The following KCTD8 variants were observed in gnomAD, a reference collection of about 807,000 sequenced individuals.
KCTD8 encodes BTB/POZ domain-containing protein KCTD8.
KCTD8 carries 27 observed loss-of-function variants against 31.5 expected under a neutral mutation model. The observed-to-expected ratio is 0.86, with a 90% CI of 0.63 to 1.18. KCTD8 has a LOEUF of 1.18. Among genes scored for constraint, KCTD8 ranks in the 50% most tolerant of loss-of-function variants. The probability of loss-of-function intolerance (pLI) is 0.00; values close to 1 mark genes in which losing one functional copy is unlikely to be tolerated. For missense variants in KCTD8, 658 were observed against 647.7 expected, an observed-to-expected ratio of 1.02 and a Z score of -0.17; for synonymous variants, 290 against 280.0, an observed-to-expected ratio of 1.04 and a Z score of -0.36.
chr4:44,225,301 C>T (rs1714923890), intron 1 of KCTD8, among the ~76,000 whole-genome samples: 1 of 152,218 alleles, frequency 6.6e-6, no homozygotes, highest in Non-Finnish European at 1.5e-5. Context: ...TGCTTTGTTT[C>T]CACAGCTGAA....
chr4:44,255,090 A>G (rs13124374), intron 1 of KCTD8, among the ~76,000 whole-genome samples: 1 of 151,616 alleles, frequency 6.6e-6, no homozygotes, highest in South Asian at 2.1e-4. Context: ...TGCTATACTC[A>G]GTGTCCAGGA....
intron 1 of KCTD8, among the ~76,000 whole-genome samples, chr4:44,356,803 C>T (rs1719354722): frequency 6.6e-6 from 1 of 151,998 alleles, no homozygotes; most frequent in African/African-American, 2.4e-5. Context: ...AAGAACAGTC[C>T]ACTACAATTT....
At chr4:44,304,658 T>G (rs2109394742) in intron 1 of KCTD8, among the ~76,000 whole-genome samples, 1 of 152,248 alleles carries the variant, frequency 6.6e-6, no homozygotes, top group East Asian at 1.9e-4. Context: ...GTAATTAAAT[T>G]ATAGGATATA....
intron 1 of KCTD8, among the ~76,000 whole-genome samples, chr4:44,242,790 A>C (rs2109357792): frequency 6.6e-6 from 1 of 152,098 alleles, no homozygotes; most frequent in Middle Eastern, 3.4e-3. Flanking sequence ...AGTTCTCATA[A>C]GATCTGGGTC....
At chr4:44,322,252 C>T (rs896803969) in intron 1 of KCTD8, among the ~76,000 whole-genome samples, 1 of 152,006 alleles carries the variant, frequency 6.6e-6, no homozygotes, top group African/African-American at 2.4e-5. Context: ...CACATCCTTG[C>T]TAGCATTTAA....
intron 1 of KCTD8, among the ~76,000 whole-genome samples, chr4:44,433,085 GAACATTTCCACCTGA>G (rs1721542813): frequency 1.3e-5 from 2 of 151,558 alleles, no homozygotes; most frequent in Admixed American, 6.6e-5. Context: ...CTTGCATATG[GAACATTTCCACCTGA>G]AACTTACACA....
chr4:44,269,742 A>T (rs979743854), intron 1 of KCTD8, among the ~76,000 whole-genome samples: 1 of 152,170 alleles, frequency 6.6e-6, no homozygotes, highest in South Asian at 2.1e-4. Context: ...ATATGAACAG[A>T]CACTTCTCAA....
At chr4:44,398,004 G>A (rs961891678) in intron 1 of KCTD8, among the ~76,000 whole-genome samples, 2 of 151,966 alleles carry the variant, frequency 1.3e-5, no homozygotes, top group South Asian at 2.1e-4. Flanking sequence ...TAATGCAATC[G>A]ACTCACTGCA....
intron 1 of KCTD8, among the ~76,000 whole-genome samples, chr4:44,418,995 C>T (rs1560450266): frequency 6.6e-6 from 1 of 152,176 alleles, no homozygotes; most frequent in South Asian, 2.1e-4. Context: ...TCTTTTTAAA[C>T]ATTCTAACAT....
At chr4:44,422,188 C>G (rs150446831) in intron 1 of KCTD8, among the ~76,000 whole-genome samples, 8 of 152,140 alleles carry the variant, frequency 5.3e-5, no homozygotes, top group Non-Finnish European at 1.0e-4. Flanking sequence ...ACCCCTCTCT[C>G]AAAGGAAATG....
At chr4:44,418,452 TCA>T (rs150730637) in intron 1 of KCTD8, among the ~76,000 whole-genome samples, 12,139 of 152,224 alleles carry the variant, frequency 0.08, 582 homozygotes, top group Non-Finnish European at 0.11. Flanking sequence ...TTATAACTTA[TCA>T]CAGAGGTTTT....
intron 1 of KCTD8, among the ~76,000 whole-genome samples, chr4:44,334,711 T>C (rs1201333417): frequency 6.6e-6 from 1 of 152,038 alleles, no homozygotes; most frequent in Non-Finnish European, 1.5e-5. Flanking sequence ...TATAAACTAA[T>C]GTACATAATC....
At chr4:44,442,823 G>C (rs1160758388) in intron 1 of KCTD8, among the ~76,000 whole-genome samples, 1 of 149,694 alleles carries the variant, frequency 6.7e-6, no homozygotes, top group Non-Finnish European at 1.5e-5. Flanking sequence ...AGCATCCTAA[G>C]CTACAAGAGA....
chr4:44,347,385 G>T (rs757118446), intron 1 of KCTD8, among the ~76,000 whole-genome samples: 1 of 152,146 alleles, frequency 6.6e-6, no homozygotes, highest in Non-Finnish European at 1.5e-5. Context: ...AAGTGACTCA[G>T]CTTTCACTGG....
intron 1 of KCTD8, among the ~76,000 whole-genome samples, chr4:44,395,235 G>A (rs971269398): frequency 1.3e-4 from 20 of 152,134 alleles, no homozygotes; most frequent in Non-Finnish European, 1.8e-4. Context: ...AAGGGATAGC[G>A]TGTGATCCTG....
intron 1 of KCTD8, among the ~76,000 whole-genome samples, chr4:44,216,878 A>G (rs566232951): frequency 6.6e-6 from 1 of 152,088 alleles, no homozygotes; most frequent in East Asian, 1.9e-4. Flanking sequence ...GTGACTCTAT[A>G]CACTTCAAAA....
At chr4:44,446,319 T>A (rs1033985441) in intron 1 of KCTD8, among the ~76,000 whole-genome samples, 8 of 152,182 alleles carry the variant, frequency 5.3e-5, no homozygotes, top group African/African-American at 1.9e-4. Flanking sequence ...ATAAATTCAA[T>A]TTAAGCTGGT....
chr4:44,177,945 C>T (rs1713265589), intron 1 of KCTD8, among the ~76,000 whole-genome samples: 1 of 152,206 alleles, frequency 6.6e-6, no homozygotes. Context: ...ATCAGACCCA[C>T]TCTGGCCACC....
chr4:44,421,481 CAT>C (rs1721209260), intron 1 of KCTD8, among the ~76,000 whole-genome samples: 1 of 152,080 alleles, frequency 6.6e-6, no homozygotes, highest in African/African-American at 2.4e-5. Context: ...AGAGCCCAGA[CAT>C]ATGAACCTTT....
Sources: allele counts gnomAD v4.1 joint callset (sites outside exome capture counted in the v4.1 genomes callset), GRCh38; gene constraint gnomAD v4.1.1; transcripts MANE v1.5; gene names NCBI Gene and HGNC (gene_info 2026-07-23, HGNC 2026-07-21).